SLC24A2: variants seen among roughly 807,000 people sequenced by gnomAD.
The protein encoded by SLC24A2 is sodium/potassium/calcium exchanger 2.
In SLC24A2, 36 loss-of-function variants were observed where a neutral mutation model predicts 62.0. The observed-to-expected ratio is 0.58, with a 90% CI of 0.44 to 0.77. The LOEUF (loss-of-function observed/expected upper bound fraction) is 0.77, where lower values mean the gene tolerates loss of function less well. Among genes scored for constraint, SLC24A2 ranks in the 30% least tolerant of loss-of-function variants. The pLI is 0.00. For synonymous variants in SLC24A2, 358 were observed against 294.0 expected (o/e 1.22, Z -2.23); for missense variants, 846 against 817.9 (o/e 1.03, Z -0.42).
intron 2 of SLC24A2, among the ~76,000 whole-genome samples, chr9:19,772,678 G>T (rs1822725335): frequency 6.6e-6 from 1 of 152,068 alleles, no homozygotes; most frequent in Non-Finnish European, 1.5e-5. Flanking sequence ...ACAAAGATGG[G>T]TATAATAAAA....
chr9:19,694,575 A>C (rs1820131409), intron 2 of SLC24A2, among the ~76,000 whole-genome samples: 1 of 152,230 alleles, frequency 6.6e-6, no homozygotes, highest in Non-Finnish European at 1.5e-5. Context: ...TTAGATTATT[A>C]GGTATAATAT....
At chr9:20,062,779 T>A in the SLC24A2 span, among the ~76,000 whole-genome samples, 168 of 127,034 alleles carry the variant, frequency 1.3e-3, 6 homozygotes, top group South Asian at 2.3e-3. Flanking sequence ...TACAATGAAC[T>A]CAAACAAATT....
chr9:19,705,572 C>G (rs913468206), intron 2 of SLC24A2: 1 of 230,622 alleles, frequency 4.3e-6, no homozygotes, highest in South Asian at 7.9e-5. Context: ...GGAAGCCCCC[C>G]AAAACTAGCC....
At chr9:20,139,126 GT>G in the SLC24A2 span, among the ~76,000 whole-genome samples, 1 of 152,104 alleles carries the variant, frequency 6.6e-6, no homozygotes, top group South Asian at 2.1e-4. Context: ...ATCTTTTTGG[GT>G]TTTTTTGCCA....
chr9:19,866,893 G>A, the SLC24A2 span, among the ~76,000 whole-genome samples: 3 of 151,982 alleles, frequency 2.0e-5, no homozygotes. Context: ...GAGAGTAGAA[G>A]GCTGATTATC....
the SLC24A2 span, among the ~76,000 whole-genome samples, chr9:20,275,647 A>G: frequency 4.6e-5 from 7 of 152,202 alleles, no homozygotes; most frequent in Non-Finnish European, 8.8e-5. Context: ...GTTGATTGAG[A>G]TATAGCTATA....
chr9:19,843,063 G>A, the SLC24A2 span, among the ~76,000 whole-genome samples: 1 of 152,116 alleles, frequency 6.6e-6, no homozygotes, highest in Non-Finnish European at 1.5e-5. Context: ...AAGTGCTGGT[G>A]CCAGTCCATG....
chr9:19,787,303 T>C (rs1000321621), intron 1 of SLC24A2, among the ~76,000 whole-genome samples: 1 of 152,180 alleles, frequency 6.6e-6, no homozygotes, highest in Non-Finnish European at 1.5e-5. Flanking sequence ...GTAAATCCAA[T>C]GTTAGGTGCA....
chr9:19,516,022 A>C lies in SLC24A2; in HGVS notation c.*131T>G, dbSNP rs950798851. 1.7e-6 allele frequency: 2 copies of C among 1,152,304 alleles called. No individual in the cohort carries two copies. Among genetic ancestry groups the C allele is most frequent in the African/African-American group, 3.0e-5 (2 of 65,812 alleles). 71.4% of individuals were successfully genotyped at this position (1,152,304 alleles called of 1,614,324 possible). On this transcript the variant is annotated 3_prime_UTR_variant, in exon 11 of 11. Transcript: ENST00000341998. ...CCCAGTGTGAATCCATCTCTCCTCA[A>C]ATTCACCAAGGAGGGACACTTGGCA... is the stretch of plus-strand genomic sequence containing the variant.
At chr9:20,154,612 A>G in the SLC24A2 span, among the ~76,000 whole-genome samples, 11 of 150,754 alleles carry the variant, frequency 7.3e-5, no homozygotes, top group Admixed American at 5.3e-4. Context: ...AGTTATAACC[A>G]TGTCAGATTC....
the SLC24A2 span, among the ~76,000 whole-genome samples, chr9:19,870,961 C>G: frequency 6.6e-6 from 1 of 151,902 alleles, no homozygotes; most frequent in Non-Finnish European, 1.5e-5. Context: ...TCTGGGTTGT[C>G]TTTTGACTTT....
the SLC24A2 span, among the ~76,000 whole-genome samples, chr9:19,981,653 T>G: frequency 6.6e-6 from 1 of 152,340 alleles, no homozygotes; most frequent in African/African-American, 2.4e-5. Context: ...GGGATGACTC[T>G]GTTTCAAGCT....
At chr9:20,025,502 C>T in the SLC24A2 span, among the ~76,000 whole-genome samples, 2 of 152,200 alleles carry the variant, frequency 1.3e-5, no homozygotes, top group East Asian at 3.9e-4. Context: ...TTTGGGTGAA[C>T]ATTATTACCT....
the SLC24A2 span, among the ~76,000 whole-genome samples, chr9:20,216,430 C>T: frequency 0.14 from 20,924 of 152,142 alleles, 1,709 homozygotes; most frequent in African/African-American, 0.22. Flanking sequence ...ATTTAAGATA[C>T]TTGTGTTATA....
chr9:20,272,903 T>C, the SLC24A2 span, among the ~76,000 whole-genome samples: 1 of 152,046 alleles, frequency 6.6e-6, no homozygotes, highest in African/African-American at 2.4e-5. Context: ...TATCCTTAGG[T>C]GTTGCAAGTA....
chr9:20,098,213 A>T, the SLC24A2 span, among the ~76,000 whole-genome samples: 3 of 152,214 alleles, frequency 2.0e-5, no homozygotes, highest in Non-Finnish European at 2.9e-5. Flanking sequence ...ACTCAAGGTC[A>T]TTCATTTAAC....
At chr9:19,942,324 C>T in the SLC24A2 span, among the ~76,000 whole-genome samples, 1 of 152,140 alleles carries the variant, frequency 6.6e-6, no homozygotes, top group Non-Finnish European at 1.5e-5. Flanking sequence ...ACTAAAGATT[C>T]AAGTACTATT....
chr9:19,699,726 G>C (rs1820301193), intron 2 of SLC24A2, among the ~76,000 whole-genome samples: 1 of 152,134 alleles, frequency 6.6e-6, no homozygotes, highest in Non-Finnish European at 1.5e-5. Context: ...TGGTATTACA[G>C]ATGATTTTTA....
At chr9:19,812,318 C>A in the SLC24A2 span, among the ~76,000 whole-genome samples, 1 of 151,918 alleles carries the variant, frequency 6.6e-6, no homozygotes, top group Admixed American at 6.6e-5. Context: ...TTATGTTAAA[C>A]TTTGTATTAT....
Sources: gnomAD v4.1 joint callset for allele counts (sites outside exome capture counted in the v4.1 genomes callset) on GRCh38, gnomAD v4.1.1 for gene constraint, MANE v1.5 for transcripts, NCBI Gene and HGNC (gene_info 2026-07-23, HGNC 2026-07-21) for gene names.